PPFIA2: variants seen among roughly 807,000 people sequenced by gnomAD.
PPFIA2 encodes the protein PPFI scaffold protein A2.
PPFIA2 carries 46 observed loss-of-function variants against 175.5 expected under a neutral mutation model. The observed-to-expected ratio is 0.26, with a 90% confidence interval of 0.21 to 0.34. PPFIA2 has a LOEUF of 0.34. PPFIA2 is among the 10% of genes least tolerant of loss of function. The pLI is 1.00. For missense variants in PPFIA2, 1,179 were observed against 1,506.1 expected, an observed-to-expected ratio of 0.78 and a Z score of 3.60; for synonymous variants, 568 against 511.4, an observed-to-expected ratio of 1.11 and a Z score of -1.49.
intron 4 of PPFIA2, among the ~76,000 whole-genome samples, chr12:81,563,750 T>C (rs1190683887): frequency 6.6e-6 from 1 of 152,206 alleles, no homozygotes; most frequent in Non-Finnish European, 1.5e-5. Flanking sequence ...TAGTCAGTCG[T>C]TATTCATTAA....
At chr12:81,695,415 TC>T (rs1256905777) in intron 3 of PPFIA2, among the ~76,000 whole-genome samples, 1 of 152,080 alleles carries the variant, frequency 6.6e-6, no homozygotes, top group Non-Finnish European at 1.5e-5. Context: ...CACCTCCCTA[TC>T]CCCTCTTGCT....
intron 3 of PPFIA2, among the ~76,000 whole-genome samples, chr12:81,733,811 G>C (rs539283894): frequency 5.9e-5 from 9 of 151,726 alleles, no homozygotes; most frequent in African/African-American, 1.7e-4. Flanking sequence ...AATAAGCTAA[G>C]CATTCCTGAA....
intron 4 of PPFIA2, among the ~76,000 whole-genome samples, chr12:81,554,016 ATAC>A (rs1567304556): frequency 4.6e-5 from 7 of 152,050 alleles, no homozygotes; most frequent in Admixed American, 4.6e-4. Context: ...AATTGATTTA[ATAC>A]AACTTTTTTT....
At chr12:81,714,637 T>C (rs547347822) in intron 3 of PPFIA2, among the ~76,000 whole-genome samples, 1 of 151,118 alleles carries the variant, frequency 6.6e-6, no homozygotes, top group Non-Finnish European at 1.5e-5. Flanking sequence ...GATATGTTGA[T>C]ATTTTGAAGC....
At chr12:81,458,135 G>A (rs1403118533) in intron 4 of PPFIA2, among the ~76,000 whole-genome samples, 2 of 152,068 alleles carry the variant, frequency 1.3e-5, no homozygotes, top group African/African-American at 2.4e-5. Context: ...TGAGCCTAAC[G>A]TTAATATGAT....
In PPFIA2 at chr12:81,640,706, C is replaced by T. The variant is rs116938666; in HGVS notation, c.303+36085G>A. On this transcript the variant is annotated intron_variant, in intron 4 of 32. Transcript: ENST00000549396. ...CTTCTGAGATGTGCTTTTGTTATAA[C>T]CAGGATACTATTCACAATACTACCA... Among the ~76,000 whole-genome samples the T allele has an allele frequency of 7.2e-4, 110 of 152,140 alleles. 1 individual carries two copies. In the East Asian group the frequency reaches 0.02, roughly 28 times the overall value.
At chr12:81,514,307 T>C (rs1211998592) in intron 4 of PPFIA2, among the ~76,000 whole-genome samples, 1 of 151,930 alleles carries the variant, frequency 6.6e-6, no homozygotes, top group Non-Finnish European at 1.5e-5. Flanking sequence ...ATCTTTCTTT[T>C]ATTCTAAAAG....
intron 4 of PPFIA2, among the ~76,000 whole-genome samples, chr12:81,536,719 T>C (rs1260989943): frequency 8.1e-5 from 11 of 136,548 alleles, no homozygotes; most frequent in East Asian, 2.2e-4. Context: ...GTAATATACA[T>C]ATATACACAA....
At chr12:81,274,515 C>CT (rs948500023) in intron 28 of PPFIA2, among the ~76,000 whole-genome samples, 1,707 of 149,100 alleles carry the variant, frequency 0.011, 27 homozygotes, top group African/African-American at 0.038. Context: ...CAAAATACTT[C>CT]TTTTTTTTTT....
intron 4 of PPFIA2, among the ~76,000 whole-genome samples, chr12:81,663,372 A>G (rs1267661267): frequency 6.6e-6 from 1 of 152,208 alleles, no homozygotes; most frequent in Non-Finnish European, 1.5e-5. Context: ...TGCAAAAATC[A>G]CAAACATTCT....
intron 4 of PPFIA2, among the ~76,000 whole-genome samples, chr12:81,633,012 C>T (rs2063571913): frequency 6.6e-6 from 1 of 152,044 alleles, no homozygotes; most frequent in South Asian, 2.1e-4. Context: ...CGTTGAATCA[C>T]TCTGCGTTAT....
At chr12:81,317,774 A>T (rs1293777911) in intron 22 of PPFIA2, among the ~76,000 whole-genome samples, 2 of 151,680 alleles carry the variant, frequency 1.3e-5, no homozygotes, top group Admixed American at 1.3e-4. Context: ...GCCAGCATCT[A>T]TATGTTAAAA....
chr12:81,605,264 G>A (rs769306176), intron 4 of PPFIA2, among the ~76,000 whole-genome samples: 1 of 151,718 alleles, frequency 6.6e-6, no homozygotes, highest in African/African-American at 2.4e-5. Flanking sequence ...CACTGAAAAG[G>A]CTGCTTATTT....
intron 7 of PPFIA2, among the ~76,000 whole-genome samples, chr12:81,414,503 G>A (rs1248984211): frequency 6.6e-6 from 1 of 151,506 alleles, no homozygotes; most frequent in African/African-American, 2.4e-5. Context: ...AATCTTTCAT[G>A]CTATTTCTAC....
intron 4 of PPFIA2, among the ~76,000 whole-genome samples, chr12:81,488,492 C>T (rs1373289002): frequency 6.6e-6 from 1 of 151,684 alleles, no homozygotes; most frequent in Non-Finnish European, 1.5e-5. Context: ...CTCTTTCTGT[C>T]ACCATATCCA....
At chr12:81,344,164 C>G (rs1265000939) in intron 19 of PPFIA2, among the ~76,000 whole-genome samples, 2 of 152,062 alleles carry the variant, frequency 1.3e-5, no homozygotes, top group Non-Finnish European at 2.9e-5. Context: ...CCTGCTCCTT[C>G]TGCCTCCTGA....
chr12:81,721,022 C>A (rs1302136342), intron 3 of PPFIA2, among the ~76,000 whole-genome samples: 2 of 149,102 alleles, frequency 1.3e-5, no homozygotes, highest in African/African-American at 4.9e-5. Context: ...AGTTGGGAAG[C>A]ACAGCAACAG....
At chr12:81,466,033 C>T (rs2055553167) in intron 4 of PPFIA2, among the ~76,000 whole-genome samples, 1 of 152,148 alleles carries the variant, frequency 6.6e-6, no homozygotes, top group South Asian at 2.1e-4. Flanking sequence ...TCCAAAATTA[C>T]TGTGCAAAAC....
At chr12:81,488,558 C>T (rs1462587296) in intron 4 of PPFIA2, among the ~76,000 whole-genome samples, 1 of 151,792 alleles carries the variant, frequency 6.6e-6, no homozygotes, top group Admixed American at 6.6e-5. Context: ...CAAAAGCCCA[C>T]GGGCCTTACA....
Sources: allele counts gnomAD v4.1 joint callset (sites outside exome capture counted in the v4.1 genomes callset), GRCh38; gene constraint gnomAD v4.1.1; transcripts MANE v1.5; gene names NCBI Gene and HGNC (gene_info 2026-07-23, HGNC 2026-07-21).